The following ATAD3B variants were observed in gnomAD, a reference collection of about 807,000 sequenced individuals.
ATAD3B encodes ATPase family AAA domain-containing protein 3B.
ATAD3B carries 59 observed loss-of-function variants against 70.2 expected under a neutral mutation model. The observed-to-expected ratio is 0.84, with a 90% CI of 0.68 to 1.04. The LOEUF (loss-of-function observed/expected upper bound fraction) is 1.04. Among genes scored for constraint, ATAD3B ranks in the 50% least tolerant of loss-of-function variants. The pLI is 0.00. For synonymous variants in ATAD3B, 423 were observed against 388.6 expected (o/e 1.09, Z -1.04); for missense variants, 961 against 913.4 (o/e 1.05, Z -0.67).
chr1:1,508,819 C>CAGGGTCTG, the ATAD3B span, among the ~76,000 whole-genome samples: 3 of 151,492 alleles, frequency 2.0e-5, no homozygotes, highest in Admixed American at 2.0e-4. Flanking sequence ...CTGTGAGGGT[C>CAGGGTCTG]AGGGTCTGAG....
chr1:1,480,631 C>T (rs947705006), intron 4 of ATAD3B, among the ~76,000 whole-genome samples: 8 of 147,240 alleles, frequency 5.4e-5, no homozygotes, highest in African/African-American at 2.0e-4. Flanking sequence ...GTCAGGGAAG[C>T]CACAGTGGGG....
intron 5 of ATAD3B, 121 bp downstream of exon 5, chr1:1,481,057 G>C: frequency 1.3e-6 from 2 of 1,495,358 alleles, no homozygotes; most frequent in Non-Finnish European, 1.8e-6. Context: ...AGTGGGCGAG[G>C]CCTGCTGGGG....
intron 11 of ATAD3B, among the ~76,000 whole-genome samples, chr1:1,487,586 T>C (rs1327050314): frequency 2.6e-5 from 4 of 151,424 alleles, no homozygotes; most frequent in African/African-American, 9.7e-5. Flanking sequence ...TGTTGCCCCA[T>C]GTGTGGTTGG....
rs1186273874 is a variant in ATAD3B, at chr1:1,495,678, C to T, written c.1808C>T (p.Ser603Phe). The change falls in exon 16 of 16, where the codon TCC becomes TTC. Residue 603 changes from serine to phenylalanine, a missense_variant. Physicochemically the swap from Ser to Phe is radical, Grantham distance 155. This residue lies in a region of ATAD3B where 417 missense variants were observed against 335.0 expected (regional missense o/e 1.24). Coordinates refer to ENST00000673477, the MANE Select transcript of ATAD3B (RefSeq NM_031921.6). Reference sequence around the variant, plus strand: ...TCATGGAGCCTGGCCACGGACCCCTCCTACCCCTGCCTTGCCGGCCCCTGC... The same window carrying T: ...TCATGGAGCCTGGCCACGGACCCCTTCTACCCCTGCCTTGCCGGCCCCTGC... ...LTSWSLATDP[S>F]YPCLAGPCTF... 3 of 1,612,816 alleles carry T rather than the reference C, an allele frequency of 1.9e-6. No homozygotes were observed. Among genetic ancestry groups the T allele is most frequent in the Non-Finnish European group, 2.5e-6 (3 of 1,179,334 alleles).
chr1:1,474,340 G>T (rs538752457), intron 1 of ATAD3B, among the ~76,000 whole-genome samples: 1 of 151,002 alleles, frequency 6.6e-6, no homozygotes, highest in South Asian at 2.1e-4. Context: ...ACAAGTGCCC[G>T]CCGCCACGCC....
rs1166686653 is a variant in ATAD3B, at chr1:1,478,463, G to A, written c.283-181G>A. On this transcript the variant is annotated intron_variant, in intron 2 of 15. Coordinates refer to ENST00000673477, the MANE Select transcript of ATAD3B (RefSeq NM_031921.6). The stretch of plus-strand genomic sequence containing the variant: ...TCTCTGCTGGTGCTTCTGTGCCTGT[G>A]GGTCTGGATTCCTCCAGGGCCTGAT... 8 of 1,541,196 alleles carry A rather than the reference G, an allele frequency of 5.2e-6. No individual in the cohort carries two copies. The East Asian group carries it at 2.0e-4, about 38-fold the overall frequency.
chr1:1,504,266 G>A, the ATAD3B span, among the ~76,000 whole-genome samples: 1 of 152,022 alleles, frequency 6.6e-6, no homozygotes, highest in South Asian at 2.1e-4. Context: ...GATTACAGGC[G>A]TGAGCCACAG....
At chr1:1,478,823 G>C in intron 3 of ATAD3B, 78 bp downstream of exon 3, 1 of 1,158,026 alleles carries the variant, frequency 8.6e-7, no homozygotes, top group Non-Finnish European at 1.2e-6. Flanking sequence ...GCTGGGTGTG[G>C]TCCCGGGGCA....
rs913743808 is a variant in ATAD3B at position 1,485,168 on chromosome 1, C to G, written c.903C>G (p.Ile301Met). ...TGCTGGAGGCGCTGCGGCACCCCAT[C>G]CAGGTAGCGGCGCAGGCCTGGCCCT... ...ITVLEALRHP[I>M]QVSRRLLSRP... The change falls in exon 8 of 16, where the codon ATC becomes ATG. Residue 301 changes from isoleucine (I) to methionine (M), a missense_variant. Physicochemically the swap from Ile to Met is conservative, Grantham distance 10. Transcript: ENST00000673477. 4.3e-6 allele frequency: 7 copies of G among 1,610,156 alleles called. No homozygotes were observed. In the African/African-American group the frequency reaches 8.0e-5, roughly 18 times the overall value.
chr1:1,509,247 A>G, the ATAD3B span: 8 of 1,612,874 alleles, frequency 5.0e-6, no homozygotes, highest in Admixed American at 3.3e-5. Flanking sequence ...GACCGAGGCC[A>G]TGATGGACAC....
intron 15 of ATAD3B, among the ~76,000 whole-genome samples, chr1:1,494,906 C>T (rs1424373447): frequency 5.3e-5 from 8 of 152,054 alleles, no homozygotes; most frequent in South Asian, 2.1e-4. Context: ...TGGAGAGCGA[C>T]CTGTCCGTGG....
chr1:1,474,425 C>T (rs1426641985), intron 1 of ATAD3B, among the ~76,000 whole-genome samples: 9 of 151,606 alleles, frequency 5.9e-5, no homozygotes, highest in East Asian at 1.9e-4. Flanking sequence ...CTCCTGACCC[C>T]GTGATCCACC....
intron 1 of ATAD3B, among the ~76,000 whole-genome samples, chr1:1,476,681 TG>T: frequency 6.6e-6 from 1 of 151,560 alleles, no homozygotes; most frequent in Non-Finnish European, 1.5e-5. Context: ...GCTAATTTTT[TG>T]TATTTTTAGT....
intron 7 of ATAD3B, chr1:1,483,136 GA>G (rs753675650): frequency 6.0e-5 from 23 of 383,880 alleles, no homozygotes; most frequent in East Asian, 1.6e-4. Context: ...CTAAAAAAAA[GA>G]AAAAAAAAGA....
intron 5 of ATAD3B, among the ~76,000 whole-genome samples, chr1:1,481,815 C>T (rs2100550913): frequency 6.6e-6 from 1 of 152,172 alleles, no homozygotes; most frequent in Middle Eastern, 3.4e-3. Context: ...GCTGTCCCTA[C>T]CAAGGTCTGT....
chr1:1,480,825 T>C (rs749282295), intron 4 of ATAD3B, 42 bp from the exon 5 acceptor site: 4 of 1,593,726 alleles, frequency 2.5e-6, no homozygotes, highest in Non-Finnish European at 3.4e-6. Context: ...AGCATTTTTC[T>C]GGTTTTAAAG....
the ATAD3B span, chr1:1,509,067 G>T: frequency 2.1e-6 from 3 of 1,409,720 alleles, no homozygotes; most frequent in Non-Finnish European, 2.8e-6. Flanking sequence ...GCTCTGCCGA[G>T]GTGCGGGAAG....
intron 15 of ATAD3B, among the ~76,000 whole-genome samples, chr1:1,492,878 G>C (rs1640605902): frequency 1.3e-5 from 2 of 151,460 alleles, no homozygotes; most frequent in African/African-American, 4.9e-5. Context: ...GGTGGAGGTT[G>C]CAGTGAGCTG....
intron 7 of ATAD3B, chr1:1,483,108 A>G (rs568307114): frequency 1.3e-5 from 6 of 445,440 alleles, no homozygotes; most frequent in African/African-American, 1.0e-4. Context: ...TCCTGGTAAG[A>G]GTGAAACCCT....
Sources: allele counts gnomAD v4.1 joint callset (sites outside exome capture counted in the v4.1 genomes callset), GRCh38; gene constraint gnomAD v4.1.1; regional missense constraint gnomAD v4.1.1; transcripts MANE v1.5; gene names NCBI Gene and HGNC (gene_info 2026-07-23, HGNC 2026-07-21).